The following RESP18 variants were observed in gnomAD, a reference collection of about 807,000 sequenced individuals.
The protein encoded by RESP18 is regulated endocrine-specific protein 18.
Under a neutral mutation model 30.0 loss-of-function variants are expected in RESP18, and 30 were observed. The observed-to-expected ratio is 1.00, with a 90% CI of 0.75 to 1.36. RESP18 has a LOEUF of 1.36. RESP18 is among the 40% of genes most tolerant of loss of function. The pLI is 0.00. For synonymous variants in RESP18, 117 were observed against 111.2 expected (o/e 1.05, Z -0.33); for missense variants, 320 against 284.2 (o/e 1.13, Z -0.91).
intron 2 of RESP18, among the ~76,000 whole-genome samples, chr2:219,331,933 A>G (rs1221829284): frequency 2.0e-5 from 3 of 152,146 alleles, no homozygotes; most frequent in Non-Finnish European, 4.4e-5. Context: ...AATCAGGGAG[A>G]GGGGGCGACA....
rs1174540107 is a variant in RESP18 at position 219,329,771 on chromosome 2, G to T, written c.338-7C>A. ...TCATCCTTCCAGAACAGACCTGCAG[G>T]ATGAAAGGATGGGGGGTGAGTTGAC... On this transcript the variant is annotated splice_region_variant and splice_polypyrimidine_tract_variant and intron_variant, in intron 3 of 6. Transcript: ENST00000333527. 1.3e-6 allele frequency: 2 copies of T among 1,550,226 alleles called. No individual in the cohort carries two copies. Among genetic ancestry groups the T allele is most frequent in the South Asian group, 2.4e-5 (2 of 83,960 alleles).
chr2:219,331,702 T>C (rs1952832769), intron 2 of RESP18, among the ~76,000 whole-genome samples: 1 of 151,418 alleles, frequency 6.6e-6, no homozygotes, highest in African/African-American at 2.4e-5. Context: ...TGGGAAGGAG[T>C]GGTGACCCGC....
chr2:219,328,869 CGTT>C, intron 6 of RESP18, 52 bp downstream of exon 5: 1 of 1,128,628 alleles, frequency 8.9e-7, no homozygotes, highest in Non-Finnish European at 1.3e-6. Flanking sequence ...GCAAAAAGGA[CGTT>C]TAATTTTGAA....
At position 219,330,790 on chromosome 2, in the gene RESP18, G is replaced by A. The variant is rs957650160; in HGVS notation, c.318C>T (p.Leu106=). Residue 106 remains leucine (L), a synonymous_variant, in exon 3 of 7, where the codon CTC becomes CTT. Transcript: ENST00000333527. ...ACTTACCTTGGGGTATAATCTGCTGGAGCACAACCTGTAAATGCTGGAAGA... is the reference window on the plus strand; with the variant it reads ...ACTTACCTTGGGGTATAATCTGCTGAAGCACAACCTGTAAATGCTGGAAGA... 1.3e-6 allele frequency: 2 copies of A among 1,550,570 alleles called. No individual in the cohort carries two copies. The highest frequency in any genetic ancestry group is 2.7e-5 in the African/African-American group (2 of 72,940).
In RESP18 at chr2:219,330,757, C is replaced by T. The variant is rs1477924578; in HGVS notation, c.337+14G>A. ...TAACCAGGCCCCAACCTCTGTTCTC[C>T]AGCTTTTACTTACCTTGGGGTATAA... is the stretch of plus-strand genomic sequence containing the variant. On this transcript the variant is annotated intron_variant, in intron 3 of 6. Coordinates refer to ENST00000333527, the MANE Select transcript of RESP18 (RefSeq NM_001007089.4). 6.6e-7 allele frequency: 1 copy of T among 1,522,062 alleles called. No homozygotes were observed. Among genetic ancestry groups the T allele is most frequent in the Non-Finnish European group, 8.9e-7 (1 of 1,121,232 alleles). The allele number at this position is 1,522,062 out of a possible 1,614,324, so 94.3% of individuals were successfully genotyped here. A position where few individuals can be genotyped will look rare whatever the true frequency, so the allele number is the denominator to read the frequency against.
intron 1 of RESP18, 88 bp from the exon 1 acceptor site, chr2:219,332,832 T>C: frequency 9.7e-7 from 1 of 1,027,926 alleles, no homozygotes; most frequent in Non-Finnish European, 1.4e-6. Context: ...CTCCCCACCC[T>C]CATCTCTTGG....
intron 6 of RESP18, among the ~76,000 whole-genome samples, chr2:219,328,632 C>G (rs1952797291): frequency 6.6e-6 from 1 of 152,106 alleles, no homozygotes; most frequent in Non-Finnish European, 1.5e-5. Flanking sequence ...GGCCTGGGCC[C>G]CAATTTCTCA....
At chr2:219,331,071 G>T in intron 2 of RESP18, 196 bp from the exon 2 acceptor site, 1 of 536,134 alleles carries the variant, frequency 1.9e-6, no homozygotes, top group Non-Finnish European at 3.3e-6. Flanking sequence ...TTCAACCCCT[G>T]GGCCTCATTC....
Position 219,329,239 on chromosome 2 carries a change from T to C in RESP18, c.479A>G (p.Lys160Arg). The C allele has an allele frequency of 6.4e-7, 1 of 1,551,674 alleles. No individual in the cohort carries two copies. Among genetic ancestry groups the C allele is most frequent in the Non-Finnish European group, 8.7e-7 (1 of 1,146,968 alleles). ...GGTAAAGCACTGATCCCTGTTCACC[T>C]TGGCCAGGGGGCTCTGTGAGGAGGG... The change falls in exon 5 of 7, where the codon AAG becomes AGG. Residue 160 changes from lysine to arginine, a missense_variant. Lys to Arg is a conservative substitution (Grantham distance 26). Coordinates refer to ENST00000333527, the MANE Select transcript of RESP18 (RefSeq NM_001007089.4).
At chr2:219,329,544 G>A (rs546393523) in intron 4 of RESP18, 93 bp downstream of exon 3, 40 of 1,538,566 alleles carry the variant, frequency 2.6e-5, no homozygotes, top group Non-Finnish European at 3.4e-5. Flanking sequence ...AGTGCTCCTG[G>A]CAACTTCTAC....
chr2:219,330,857 C>T lies in RESP18; in HGVS notation c.251G>A (p.Gly84Glu). ...TTGGAGGGGCCAAAGCTGCCCCACT[C>T]CTACTTGGTCCTGACCATCTAAGGG... Residue 84 changes from glycine to glutamate, a missense_variant, in exon 3 of 7, where the codon GGA becomes GAA. Gly to Glu is a moderately conservative substitution (Grantham distance 98). Transcript: ENST00000333527. 6.4e-7 allele frequency: 1 copy of T among 1,551,254 alleles called. No homozygotes were observed. Among genetic ancestry groups the T allele is most frequent in the Non-Finnish European group, 8.7e-7 (1 of 1,146,580 alleles).
At chr2:219,331,535 A>G (rs1567932) in intron 2 of RESP18, among the ~76,000 whole-genome samples, 65,472 of 152,138 alleles carry the variant, frequency 0.43, 19,135 homozygotes, top group African/African-American at 0.83. Flanking sequence ...GATGTCTAAT[A>G]ATTTCCTGGG....
At chr2:219,329,347 A>G (rs563042938) in intron 4 of RESP18, 95 bp from the exon 4 acceptor site, 6 of 1,551,752 alleles carry the variant, frequency 3.9e-6, no homozygotes, top group East Asian at 2.4e-5. Flanking sequence ...GGGATTCACA[A>G]TTCTTGAGAA....
rs1373995291 is a variant in RESP18, at chr2:219,328,887, C to T, written c.640+37G>A. On this transcript the variant is annotated intron_variant, in intron 6 of 6. Transcript: ENST00000333527. ...AAAAGGACGTTTAATTTTGAAAACT[C>T]TGCTGTTTCAATGCCTATTTTAAAC... The T allele has an allele frequency of 5.1e-6, 7 of 1,362,332 alleles. No individual in the cohort carries two copies. In the Admixed American group the frequency reaches 1.2e-4, roughly 24 times the overall value. The allele number at this position is 1,362,332 out of a possible 1,614,324, so 84.4% of individuals were successfully genotyped here. A position where few individuals can be genotyped will look rare whatever the true frequency, so the allele number is the denominator to read the frequency against.
Position 219,332,656 on chromosome 2 carries a change from C to T in RESP18, c.100G>A (p.Gly34Arg). 1 of 1,551,344 alleles carries T rather than the reference C, an allele frequency of 6.4e-7. No homozygotes were observed. Among genetic ancestry groups the T allele is most frequent in the South Asian group, 1.2e-5 (1 of 84,056 alleles). The change falls in exon 2 of 7, where the codon GGG becomes AGG. Residue 34 changes from glycine (G) to arginine (R), a missense_variant. Coordinates refer to ENST00000333527, the MANE Select transcript of RESP18 (RefSeq NM_001007089.4). ...CTCCCAGGCTCGGCGCGCTCACTCCCCGGCCAAGTCTCAGTGAAGGTAGCG... is the reference window on the plus strand; with the variant it reads ...CTCCCAGGCTCGGCGCGCTCACTCCTCGGCCAAGTCTCAGTGAAGGTAGCG...
chr2:219,329,237 C>T lies in RESP18; in HGVS notation c.481G>A (p.Val161Met). 2 of 1,551,670 alleles carry T rather than the reference C, an allele frequency of 1.3e-6. No homozygotes were observed. Among genetic ancestry groups the T allele is most frequent in the Non-Finnish European group, 8.7e-7 (1 of 1,146,972 alleles). Reference sequence around the variant, plus strand: ...GAGGTAAAGCACTGATCCCTGTTCACCTTGGCCAGGGGGCTCTGTGAGGAG... The same window carrying T: ...GAGGTAAAGCACTGATCCCTGTTCATCTTGGCCAGGGGGCTCTGTGAGGAG... Residue 161 changes from valine (V) to methionine (M), a missense_variant, in exon 5 of 7, where the codon GTG (valine) becomes ATG (methionine). Val to Met is a conservative substitution (Grantham distance 21). Coordinates refer to ENST00000333527, the MANE Select transcript of RESP18 (RefSeq NM_001007089.4).
At chr2:219,332,501 C>T in intron 2 of RESP18, 23 bp downstream of exon 1, 1 of 1,535,638 alleles carries the variant, frequency 6.5e-7, no homozygotes, top group Non-Finnish European at 8.8e-7. Flanking sequence ...GCCCTGCCCG[C>T]ACCCCCCAGG....
intron 4 of RESP18, 161 bp from the exon 4 acceptor site, chr2:219,329,413 G>T: frequency 5.2e-6 from 8 of 1,551,018 alleles, no homozygotes; most frequent in Non-Finnish European, 7.0e-6. Context: ...TGCTAGAAGA[G>T]ACAGGGAATG....
Position 219,332,630 on chromosome 2 carries a change from C to G in RESP18, c.126G>C (p.Arg42Ser). ...TCCCAGGCCACAGTGGGTGCTGTATCCTCCCAGGCTCGGCGCGCTCACTCC... is the reference window on the plus strand; with the variant it reads ...TCCCAGGCCACAGTGGGTGCTGTATGCTCCCAGGCTCGGCGCGCTCACTCC... The change falls in exon 2 of 7, where the codon AGG becomes AGC. Residue 42 changes from arginine (R) to serine (S), a missense_variant. Coordinates refer to ENST00000333527, the MANE Select transcript of RESP18 (RefSeq NM_001007089.4). 1 of 1,551,468 alleles carries G rather than the reference C, an allele frequency of 6.4e-7. No homozygotes were observed. The highest frequency in any genetic ancestry group is 1.2e-5 in the South Asian group (1 of 84,048).
Sources: allele counts gnomAD v4.1 joint callset (sites outside exome capture counted in the v4.1 genomes callset), GRCh38; gene constraint gnomAD v4.1.1; transcripts MANE v1.5; gene names NCBI Gene and HGNC (gene_info 2026-07-23, HGNC 2026-07-21).